The following RRBP1 variants were observed in gnomAD, a reference collection of about 807,000 sequenced individuals.
RRBP1 encodes the protein ribosome binding protein 1.
RRBP1 carries 94 observed loss-of-function variants against 165.2 expected under a neutral mutation model. The ratio of observed to expected loss-of-function variants is 0.57; its 90% CI spans 0.48 to 0.68. RRBP1 has a LOEUF of 0.68. RRBP1 is among the 30% of genes least tolerant of loss of function. The pLI is 0.00. For missense variants in RRBP1, 1,676 were observed against 1,763.0 expected, an observed-to-expected ratio of 0.95 and a Z score of 0.88; for synonymous variants, 680 against 714.5, an observed-to-expected ratio of 0.95 and a Z score of 0.77.
At chr20:17,652,838 C>T (rs75445466) in intron 3 of RRBP1, among the ~76,000 whole-genome samples, 108 of 152,310 alleles carry the variant, frequency 7.1e-4, no homozygotes, top group African/African-American at 2.3e-3. Context: ...TGGTCACAGC[C>T]GCCAATGTTA....
intron 3 of RRBP1, among the ~76,000 whole-genome samples, chr20:17,650,405 G>C (rs892827168): frequency 2.6e-5 from 4 of 152,168 alleles, no homozygotes; most frequent in Non-Finnish European, 4.4e-5. Context: ...AAACTGGCTT[G>C]CATCAGCAGG....
Position 17,629,834 on chromosome 20 carries a change from T to TG in RRBP1, c.2737dup (p.Gln913ProfsTer49). ...GCCGCCGCCCTTACCGGCCATCTGCTGCTGTTGCTCCTGGGCCTTCTCGGC... is the reference window on the plus strand; with the variant it reads ...GCCGCCGCCCTTACCGGCCATCTGCTGGCTGTTGCTCCTGGGCCTTCTCGGC... On this transcript the variant is annotated frameshift_variant, in exon 9 of 25. Transcript: ENST00000377813. LOFTEE classifies it high-confidence loss of function. 1 of 1,598,092 alleles carries TG rather than the reference T, an allele frequency of 6.3e-7. No individual in the cohort carries two copies. The highest frequency in any genetic ancestry group is 8.5e-7 in the Non-Finnish European group (1 of 1,178,704).
At chr20:17,681,302 G>A (rs913569198) in intron 1 of RRBP1, among the ~76,000 whole-genome samples, 6 of 147,918 alleles carry the variant, frequency 4.1e-5, no homozygotes, top group African/African-American at 1.5e-4. Context: ...CGGCCCCGCC[G>A]CCAGGGGGAG....
chr20:17,669,748 C>A (rs188540375), intron 2 of RRBP1, among the ~76,000 whole-genome samples: 1 of 152,210 alleles, frequency 6.6e-6, no homozygotes, highest in East Asian at 1.9e-4. Flanking sequence ...GTTTCGTTTT[C>A]TGCTTGTTGC....
Position 17,619,623 on chromosome 20 carries a change from G to T in RRBP1, c.3675+10C>A, listed in dbSNP as rs746199776. On this transcript the variant is annotated intron_variant, in intron 19 of 24. Transcript: ENST00000377813. ...GGGCAGGGGCTGCACTCCTTGGGGG[G>T]CAGACTCACCCCTGCCACCTCCTTG... The T allele has an allele frequency of 8.1e-6, 13 of 1,602,346 alleles. No individual in the cohort carries two copies. The South Asian group carries it at 1.4e-4, about 18-fold the overall frequency.
chr20:17,642,418 G>A (rs1337513488), intron 4 of RRBP1, among the ~76,000 whole-genome samples: 1 of 152,166 alleles, frequency 6.6e-6, no homozygotes, highest in Non-Finnish European at 1.5e-5. Flanking sequence ...TGTGCAGGAT[G>A]TGTATGGCCA....
chr20:17,659,811 C>G lies in RRBP1; in HGVS notation c.697G>C (p.Glu233Gln). 1 of 1,551,084 alleles carries G rather than the reference C, an allele frequency of 6.4e-7. No homozygotes were observed. Among genetic ancestry groups the G allele is most frequent in the Non-Finnish European group, 8.7e-7 (1 of 1,146,978 alleles). Residue 233 changes from glutamate (E) to glutamine (Q), a missense_variant, in exon 3 of 25, where the codon GAG (glutamate) becomes CAG (glutamine). Around this residue, in one of 5 missense-constraint regions of RRBP1, gnomAD observed 392 missense variants for 382.5 expected, o/e 1.02. Transcript: ENST00000377813. ...EGTPNQGKKT[E>Q]GTPNQGKKAE... is the part of the protein sequence containing the mutation. Reference sequence around the variant, plus strand: ...TTTTTCCCTTGGTTTGGGGTTCCCTCTGTCTTTTTGCCCTGGTTTGGGGTT... The same window carrying G: ...TTTTTCCCTTGGTTTGGGGTTCCCTGTGTCTTTTTGCCCTGGTTTGGGGTT...
At chr20:17,681,955 A>G (rs1456054663) in intron 1 of RRBP1, 73 bp downstream of exon 1, 1 of 146,996 alleles carries the variant, frequency 6.8e-6, no homozygotes, top group Admixed American at 6.7e-5. Flanking sequence ...CTCGCGGCGC[A>G]GCGCGGCCGG....
intron 11 of RRBP1, among the ~76,000 whole-genome samples, 158 bp downstream of exon 11, chr20:17,627,190 C>T (rs2036041994): frequency 6.7e-6 from 1 of 149,524 alleles, no homozygotes; most frequent in Non-Finnish European, 1.5e-5. Flanking sequence ...CCTGTCCCGT[C>T]CTCTAAATCA....
intron 2 of RRBP1, among the ~76,000 whole-genome samples, chr20:17,673,223 A>G (rs2122504773): frequency 6.6e-6 from 1 of 152,324 alleles, no homozygotes; most frequent in Middle Eastern, 3.4e-3. Context: ...TCTGTTATGG[A>G]GCCCTGTTAC....
At chr20:17,646,921 G>A (rs2036473883) in intron 3 of RRBP1, among the ~76,000 whole-genome samples, 1 of 152,206 alleles carries the variant, frequency 6.6e-6, no homozygotes, top group Non-Finnish European at 1.5e-5. Flanking sequence ...CCCCACATCA[G>A]CTGCTGGAGC....
At chr20:17,629,787 G>A in intron 9 of RRBP1, 36 bp downstream of exon 9, 2 of 1,579,904 alleles carry the variant, frequency 1.3e-6, no homozygotes, top group Non-Finnish European at 1.7e-6. Context: ...CCAGCACCCT[G>A]CACTGAACCC....
chr20:17,662,267 A>T (rs983461308), intron 2 of RRBP1, among the ~76,000 whole-genome samples: 1 of 152,138 alleles, frequency 6.6e-6, no homozygotes, highest in African/African-American at 2.4e-5. Context: ...CGTCTCAAAA[A>T]AAAAATTTTC....
At chr20:17,651,665 G>A (rs11905843) in intron 3 of RRBP1, among the ~76,000 whole-genome samples, 17 of 152,094 alleles carry the variant, frequency 1.1e-4, no homozygotes, top group East Asian at 1.9e-4. Flanking sequence ...CTCCACCCCC[G>A]GGAAGCGGAT....
chr20:17,622,000 C>T, intron 13 of RRBP1, 53 bp from the exon 14 acceptor site: 1 of 1,394,176 alleles, frequency 7.2e-7, no homozygotes, highest in Non-Finnish European at 1.0e-6. Context: ...AGGTGTGGGG[C>T]ACCTCCCCAG....
At chr20:17,681,475 G>A (rs1397521387) in intron 1 of RRBP1, among the ~76,000 whole-genome samples, 1 of 147,052 alleles carries the variant, frequency 6.8e-6, no homozygotes, top group Non-Finnish European at 1.5e-5. Context: ...GCCCGGGACC[G>A]GCGCGCTCGG....
chr20:17,614,991 G>C, intron 23 of RRBP1, 111 bp from the exon 24 acceptor site: 1 of 1,216,942 alleles, frequency 8.2e-7, no homozygotes. Flanking sequence ...GGGACACAAG[G>C]AAGGCAACTC....
chr20:17,652,695 C>A (rs567746301), intron 3 of RRBP1, among the ~76,000 whole-genome samples: 11 of 152,158 alleles, frequency 7.2e-5, no homozygotes, highest in Admixed American at 2.0e-4. Flanking sequence ...AGGCCCCAGA[C>A]TGACAGGAAG....
intron 2 of RRBP1, among the ~76,000 whole-genome samples, chr20:17,667,627 C>T (rs1453129623): frequency 1.3e-5 from 2 of 152,348 alleles, no homozygotes; most frequent in African/African-American, 4.8e-5. Context: ...CCTACAAGGT[C>T]TTAGGTCTGC....
Sources: allele counts gnomAD v4.1 joint callset (sites outside exome capture counted in the v4.1 genomes callset), GRCh38; gene constraint gnomAD v4.1.1; regional missense constraint gnomAD v4.1.1; transcripts MANE v1.5; gene names NCBI Gene and HGNC (gene_info 2026-07-23, HGNC 2026-07-21).